Variants in NOD2 observed in about 807,000 individuals in gnomAD.
The protein encoded by NOD2 is nucleotide-binding oligomerization domain-containing protein 2.
NOD2 carries 86 observed loss-of-function variants against 90.9 expected under a neutral mutation model. That is an observed-to-expected ratio of 0.95 (90% CI 0.79 to 1.13). The LOEUF (loss-of-function observed/expected upper bound fraction) is 1.13. Ranked by LOEUF, NOD2 falls within the 50% of genes most tolerant of loss-of-function variation. NOD2 has a pLI of 0.00. For missense variants in NOD2, 1,238 were observed against 1,283.8 expected (o/e 0.96, Z 0.55); for synonymous variants, 581 against 554.6 (o/e 1.05, Z -0.67).
At chr16:50,696,311 G>C (rs989913154) in intron 1 of NOD2, 3 of 152,302 alleles carry the variant, frequency 2.0e-5, no homozygotes, top group Non-Finnish European at 4.4e-5. Flanking sequence ...GAGGGCCCAC[G>C]TGGGTCGCCC....
At chr16:50,701,924 A>G in intron 2 of NOD2, among the ~76,000 whole-genome samples, 1 of 152,198 alleles carries the variant, frequency 6.6e-6, no homozygotes, top group East Asian at 1.9e-4. Flanking sequence ...GAAAGAAGGA[A>G]GGCATTTGTT....
intron 2 of NOD2, among the ~76,000 whole-genome samples, chr16:50,705,257 T>A (rs1304250886): frequency 6.6e-6 from 1 of 152,216 alleles, no homozygotes; most frequent in Non-Finnish European, 1.5e-5. Context: ...CAACATCTTC[T>A]TTGACTTAAG....
chr16:50,730,393 C>A (rs1965414025), intron 11 of NOD2, among the ~76,000 whole-genome samples: 1 of 152,188 alleles, frequency 6.6e-6, no homozygotes, highest in Non-Finnish European at 1.5e-5. Context: ...CTTTCATTGC[C>A]TTAAAAAGAA....
In NOD2 at chr16:50,710,739, G is replaced by A. The variant is rs763504952; in HGVS notation, c.747G>A (p.Leu249=). Residue 249 remains leucine (L), a synonymous_variant, in exon 4 of 12, where the codon CTG becomes CTA. Transcript: ENST00000647318. ...CCCCGCAGAAGAGCCCAGCCACCCT[G>A]GGCCTGGAGGAGCTCTTCAGCACCC... ...AGPPQKSPAT[L]GLEELFSTPG... The A allele has an allele frequency of 4.6e-5, 75 of 1,613,730 alleles. No homozygotes were observed. The South Asian group carries it at 8.2e-4, about 18-fold the overall frequency.
chr16:50,708,317 C>T (rs534557347), intron 3 of NOD2, among the ~76,000 whole-genome samples: 1 of 152,264 alleles, frequency 6.6e-6, no homozygotes, highest in Non-Finnish European at 1.5e-5. Flanking sequence ...ATCTCTTGAT[C>T]TCTGAAATTT....
At position 50,710,771 on chromosome 16, in the gene NOD2, A is replaced by G; in HGVS notation, c.779A>G (p.His260Arg). The change falls in exon 4 of 12, where the codon CAC becomes CGC. Residue 260 changes from histidine (H) to arginine (R), a missense_variant. Coordinates refer to ENST00000647318, the MANE Select transcript of NOD2 (RefSeq NM_001370466.1). ...GLEELFSTPG[H>R]LNDDADTVLV... is the part of the protein sequence containing the mutation. ...GAGGAGCTCTTCAGCACCCCTGGCC[A>G]CCTCAATGACGATGCGGACACTGTG... is the stretch of plus-strand genomic sequence containing the variant. 1 of 1,614,080 alleles carries G rather than the reference A, an allele frequency of 6.2e-7. No homozygotes were observed. Among genetic ancestry groups the G allele is most frequent in the Non-Finnish European group, 8.5e-7 (1 of 1,180,006 alleles).
intron 1 of NOD2, chr16:50,697,076 G>A (rs2150776026): frequency 8.9e-6 from 6 of 676,804 alleles, no homozygotes; most frequent in South Asian, 8.1e-5. Flanking sequence ...AGTTCTGGAA[G>A]GCTGGTTGGC....
rs759970720 is a variant in NOD2 at position 50,712,012 on chromosome 16, C to T, written c.2020C>T (p.Leu674Phe). The change falls in exon 4 of 12, where the codon CTC (leucine) becomes TTC (phenylalanine). Residue 674 changes from leucine (L) to phenylalanine (F), a missense_variant. Physicochemically the swap from Leu to Phe is conservative, Grantham distance 22 (BLOSUM62 0). Transcript: ENST00000647318. ...AECQTSEKAL[L>F]RRQACARWCL... is the part of the protein sequence containing the mutation. ...GTGCCAGACATCTGAGAAGGCCCTG[C>T]TCCGGCGCCAGGCCTGTGCCCGCTG... 1 of 1,613,206 alleles carries T rather than the reference C, an allele frequency of 6.2e-7. No homozygotes were observed. Among genetic ancestry groups the T allele is most frequent in the South Asian group, 1.1e-5 (1 of 91,062 alleles).
chr16:50,713,513 A>G (rs1964635470), intron 4 of NOD2: 3 of 152,224 alleles, frequency 2.0e-5, no homozygotes, highest in Admixed American at 2.0e-4. Flanking sequence ...GCGAATATAT[A>G]TATGTATTAT....
intron 1 of NOD2, among the ~76,000 whole-genome samples, chr16:50,695,548 A>G (rs528333874): frequency 1.3e-5 from 2 of 152,140 alleles, no homozygotes; most frequent in Non-Finnish European, 2.9e-5. Flanking sequence ...TTTGGGCATC[A>G]TCACCATATA....
At chr16:50,727,652 G>A (rs964704023) in intron 10 of NOD2, 35 of 348,382 alleles carry the variant, frequency 1.0e-4, no homozygotes, top group East Asian at 1.7e-4. Flanking sequence ...TAAATATGGC[G>A]GATGAGGCAA....
chr16:50,719,508 C>G (rs989564146), intron 6 of NOD2, among the ~76,000 whole-genome samples: 17 of 152,272 alleles, frequency 1.1e-4, no homozygotes, highest in African/African-American at 3.6e-4. Flanking sequence ...GCCCAGCGCT[C>G]TTGTGCAACA....
chr16:50,721,625 T>C (rs1020342011), intron 7 of NOD2, among the ~76,000 whole-genome samples: 1 of 152,152 alleles, frequency 6.6e-6, no homozygotes, highest in African/African-American at 2.4e-5. Context: ...CCTGAGTAGC[T>C]GGGACTACAG....
chr16:50,695,172 T>G (rs1596814227), intron 1 of NOD2, among the ~76,000 whole-genome samples: 2 of 143,140 alleles, frequency 1.4e-5, no homozygotes, highest in Admixed American at 6.9e-5. Flanking sequence ...GGGGGTGGGG[T>G]AAGGGCAGAA....
chr16:50,719,637 C>T lies in NOD2; in HGVS notation c.2550-288C>T, dbSNP rs540804994. 1.5e-3 allele frequency: 855 copies of T among 555,144 alleles called. 6 individuals are homozygous for T. The highest frequency in any genetic ancestry group is 1.9e-3 in the Non-Finnish European group (550 of 293,840). The allele number at this position is 555,144 out of a possible 1,614,324, so 34.4% of individuals were successfully genotyped here. A position where few individuals can be genotyped will look rare whatever the true frequency, so the allele number is the denominator to read the frequency against. On this transcript the variant is annotated intron_variant, in intron 6 of 11. Transcript: ENST00000647318. ...TGTGACCCTGAGTCACCCTCGCTGTCCCGGGGAAACCACCTCCCAGGACAG... is the reference window on the plus strand; with the variant it reads ...TGTGACCCTGAGTCACCCTCGCTGTTCCGGGGAAACCACCTCCCAGGACAG...
At position 50,711,783 on chromosome 16, in the gene NOD2, T is replaced by A. The variant is rs1237780601; in HGVS notation, c.1791T>A (p.Ala597=). ...YLALSADVPP[A]LLRHLFNCGR... ...CACTCAGTGCTGATGTGCCACCAGCTTTGCTCAGACACCTCTTCAATTGTG... is the reference window on the plus strand; with the variant it reads ...CACTCAGTGCTGATGTGCCACCAGCATTGCTCAGACACCTCTTCAATTGTG... Residue 597 remains alanine (A), a synonymous_variant, in exon 4 of 12, where the codon GCT becomes GCA. Transcript: ENST00000647318. The A allele has an allele frequency of 1.9e-6, 3 of 1,614,224 alleles. No individual in the cohort carries two copies. The highest frequency in any genetic ancestry group is 2.5e-6 in the Non-Finnish European group (3 of 1,180,048).
In NOD2 at chr16:50,711,288, C is replaced by A. The variant is rs2066843; in HGVS notation, c.1296C>A (p.Arg432=). 4.3e-6 allele frequency: 7 copies of A among 1,613,522 alleles called. No individual in the cohort carries two copies. Among genetic ancestry groups the A allele is most frequent in the Non-Finnish European group, 5.9e-6 (7 of 1,180,010 alleles). Residue 432 remains arginine (R), a synonymous_variant, in exon 4 of 12, where the codon CGC becomes CGA. Transcript: ENST00000647318. ...EQGIELYLRK[R]HHEPGVADRL... ...GCATCGAGCTGTACCTGAGGAAGCG[C>A]CATCATGAGCCCGGGGTGGCGGACC...
At chr16:50,696,983 C>T (rs1963676548) in intron 1 of NOD2, among the ~76,000 whole-genome samples, 1 of 152,250 alleles carries the variant, frequency 6.6e-6, no homozygotes, top group Non-Finnish European at 1.5e-5. Flanking sequence ...GAATGTGTCT[C>T]ATGTCCCCAG....
chr16:50,698,537 A>C (rs151241829), intron 1 of NOD2, among the ~76,000 whole-genome samples: 1 of 152,228 alleles, frequency 6.6e-6, no homozygotes, highest in Non-Finnish European at 1.5e-5. Context: ...TGCAAAACAC[A>C]CAGCACGGGC....
Sources: allele counts gnomAD v4.1 joint callset (sites outside exome capture counted in the v4.1 genomes callset), GRCh38; gene constraint gnomAD v4.1.1; transcripts MANE v1.5; gene names NCBI Gene and HGNC (gene_info 2026-07-23, HGNC 2026-07-21).